Variants in ZSWIM5 observed in about 807,000 individuals in gnomAD.
The protein encoded by ZSWIM5 is zinc finger SWIM domain-containing protein 5.
ZSWIM5 carries 55 observed loss-of-function variants against 119.6 expected under a neutral mutation model. That is an observed-to-expected ratio of 0.46 (90% confidence interval 0.37 to 0.58). ZSWIM5 has a LOEUF of 0.58. ZSWIM5 is among the 20% of genes least tolerant of loss of function. The pLI, the probability that ZSWIM5 is intolerant of heterozygous loss-of-function variation, is 0.00. For synonymous variants in ZSWIM5, 537 were observed against 606.9 expected (o/e 0.88, Z 1.69); for missense variants, 1,193 against 1,512.8 (o/e 0.79, Z 3.51).
intron 1 of ZSWIM5, among the ~76,000 whole-genome samples, chr1:45,094,913 T>G (rs1281184537): frequency 6.6e-6 from 1 of 150,954 alleles, no homozygotes. Context: ...TCCCCATGTA[T>G]GCATCACTTA....
chr1:45,172,703 G>A (rs1273845431), intron 1 of ZSWIM5, among the ~76,000 whole-genome samples: 1 of 152,062 alleles, frequency 6.6e-6, no homozygotes, highest in Non-Finnish European at 1.5e-5. Context: ...TACAAAGATT[G>A]CTATATATCT....
chr1:45,144,638 T>C (rs915467493), intron 1 of ZSWIM5, among the ~76,000 whole-genome samples: 1 of 152,138 alleles, frequency 6.6e-6, no homozygotes, highest in African/African-American at 2.4e-5. Flanking sequence ...ACACTAAACA[T>C]TGAACATCAA....
intron 1 of ZSWIM5, among the ~76,000 whole-genome samples, chr1:45,124,401 C>T (rs1245755281): frequency 6.6e-6 from 1 of 151,898 alleles, no homozygotes; most frequent in Non-Finnish European, 1.5e-5. Flanking sequence ...CATCAGTATA[C>T]TATGATTAAA....
chr1:45,024,488 G>C lies in ZSWIM5; in HGVS notation c.2450-3700C>G, dbSNP rs184996580. ...ATTACAGGCGTGAGCCACTGAGCCC[G>C]GCCTCTTTACAGTTTTTCATGGGTT... On this transcript the variant is annotated intron_variant, in intron 11 of 13. Transcript: ENST00000359600. 1.1e-4 allele frequency among the ~76,000 whole-genome samples: 17 copies of C among 151,812 alleles called. 1 individual carries two copies. Among genetic ancestry groups the C allele is most frequent in the African/African-American group, 4.1e-4 (17 of 41,440 alleles).
At chr1:45,077,299 C>T (rs1340503135) in intron 2 of ZSWIM5, among the ~76,000 whole-genome samples, 1 of 152,052 alleles carries the variant, frequency 6.6e-6, no homozygotes, top group African/African-American at 2.4e-5. Flanking sequence ...CGTCGGCTGG[C>T]TTGAGAAATA....
chr1:45,169,082 C>T lies in ZSWIM5; in HGVS notation c.595+36674G>A, dbSNP rs1331328058. Among the ~76,000 whole-genome samples, 4 of 152,142 alleles carry T rather than the reference C, an allele frequency of 2.6e-5. No homozygotes were observed. The South Asian group carries it at 6.2e-4, about 24-fold the overall frequency. The stretch of plus-strand genomic sequence containing the variant: ...TTCCACTATCAATGCCCATCTCTTA[C>T]GCACTCTCTCATAAACAGGCTCATC... On this transcript the variant is annotated intron_variant, in intron 1 of 13. Transcript: ENST00000359600.
At chr1:45,104,537 TGGGGC>T (rs1645458373) in intron 1 of ZSWIM5, among the ~76,000 whole-genome samples, 1 of 152,232 alleles carries the variant, frequency 6.6e-6, no homozygotes, top group Admixed American at 6.5e-5. Flanking sequence ...TGGCCACGCC[TGGGGC>T]CTATATAAGT....
chr1:45,171,120 T>G (rs1430749061), intron 1 of ZSWIM5, among the ~76,000 whole-genome samples: 2 of 152,064 alleles, frequency 1.3e-5, no homozygotes, highest in Non-Finnish European at 2.9e-5. Context: ...CTAAGAAAAT[T>G]CAACATGAGG....
intron 11 of ZSWIM5, 73 bp downstream of exon 11, chr1:45,034,239 G>T (rs1347143701): frequency 8.7e-6 from 13 of 1,488,242 alleles, no homozygotes; most frequent in Non-Finnish European, 1.2e-5. Flanking sequence ...GAGACTGCAG[G>T]CCAAGCCTTT....
intron 1 of ZSWIM5, among the ~76,000 whole-genome samples, chr1:45,096,976 T>A (rs1410102651): frequency 6.6e-6 from 1 of 152,190 alleles, no homozygotes; most frequent in African/African-American, 2.4e-5. Context: ...AGGAAAGATT[T>A]AAAAATGTAT....
chr1:45,181,779 A>T (rs1364412704), intron 1 of ZSWIM5, among the ~76,000 whole-genome samples: 1 of 152,150 alleles, frequency 6.6e-6, no homozygotes, highest in African/African-American at 2.4e-5. Flanking sequence ...CCAATATTCA[A>T]CATTCTTAAA....
Position 45,088,167 on chromosome 1 carries a change from T to A in ZSWIM5, c.666A>T (p.Ala222=). 6.2e-7 allele frequency: 1 copy of A among 1,614,196 alleles called. No individual in the cohort carries two copies. Among genetic ancestry groups the A allele is most frequent in the East Asian group, 2.2e-5 (1 of 44,892 alleles). ...ASEPAVTYKV[A]ISFDRCKITS... is the part of the protein sequence containing the mutation. ...TGATTTTGCATCGATCAAAACTGAT[T>A]GCAACTTTATAAGTCACTGCTGGTT... Residue 222 remains alanine (A), a synonymous_variant, in exon 2 of 14, where the codon GCA becomes GCT. Transcript: ENST00000359600. This position sits in a 1 kb window ranked among gnomAD's most constrained non-coding sequence, Gnocchi z 4.2.
intron 1 of ZSWIM5, among the ~76,000 whole-genome samples, chr1:45,131,796 CTATTAT>C (rs1007346592): frequency 6.8e-6 from 1 of 148,078 alleles, no homozygotes; most frequent in African/African-American, 2.5e-5. Flanking sequence ...AAAGGTAGTA[CTATTAT>C]TATTATTATT....
chr1:45,163,320 C>T (rs1015355297), intron 1 of ZSWIM5, among the ~76,000 whole-genome samples: 13 of 152,140 alleles, frequency 8.5e-5, no homozygotes, highest in South Asian at 4.1e-4. Context: ...CCCATCTGTA[C>T]GTCATCATCA....
chr1:45,079,627 G>C (rs997874618), intron 2 of ZSWIM5, among the ~76,000 whole-genome samples: 1 of 152,146 alleles, frequency 6.6e-6, no homozygotes, highest in African/African-American at 2.4e-5. Flanking sequence ...GGCTGAGCTG[G>C]TACCTAAGGT....
rs117662079 is a variant in ZSWIM5 at position 45,032,007 on chromosome 1, T to C, written c.2449+2305A>G. 4.7e-3 allele frequency among the ~76,000 whole-genome samples: 716 copies of C among 152,354 alleles called. 3 individuals are homozygous for C. Among genetic ancestry groups the C allele is most frequent in the East Asian group, 8.3e-3 (43 of 5,190 alleles). On this transcript the variant is annotated intron_variant, in intron 11 of 13. Coordinates refer to ENST00000359600, the MANE Select transcript of ZSWIM5 (RefSeq NM_020883.2). ...TTCTAATTTTCTTGTGATTTTTTTC[T>C]TTGCTCCATGAGTAATATACACGTA... is the stretch of plus-strand genomic sequence containing the variant.
chr1:45,095,164 G>A (rs1169525083), intron 1 of ZSWIM5, among the ~76,000 whole-genome samples: 1 of 149,432 alleles, frequency 6.7e-6, no homozygotes, highest in African/African-American at 2.5e-5. Context: ...GTCTCTCTCT[G>A]TTGCCCAAGC....
intron 1 of ZSWIM5, among the ~76,000 whole-genome samples, chr1:45,115,313 C>T (rs1407862864): frequency 6.6e-6 from 1 of 152,044 alleles, no homozygotes; most frequent in Non-Finnish European, 1.5e-5. Context: ...GGCGGCTGGC[C>T]GGGTGGAGAC....
At chr1:45,183,812 C>T (rs1156724538) in intron 1 of ZSWIM5, among the ~76,000 whole-genome samples, 1 of 152,148 alleles carries the variant, frequency 6.6e-6, no homozygotes, top group African/African-American at 2.4e-5. Flanking sequence ...CTGAATTCTA[C>T]CAGAGGTACA....
Sources: gnomAD v4.1 joint callset for allele counts (sites outside exome capture counted in the v4.1 genomes callset) on GRCh38, gnomAD v4.1.1 for gene constraint, Gnocchi (gnomAD v3.1) non-coding constraint, MANE v1.5 for transcripts, NCBI Gene and HGNC (gene_info 2026-07-23, HGNC 2026-07-21) for gene names.